Variants in PDZRN3 observed in about 807,000 individuals in gnomAD.
PDZRN3 encodes the protein PDZ domain containing ring finger 3, also known as E3 ubiquitin-protein ligase PDZRN3.
A neutral mutation model predicts 85.7 loss-of-function variants in PDZRN3; 38 were observed. The ratio of observed to expected loss-of-function variants is 0.44; its 90% CI spans 0.34 to 0.58. PDZRN3 has a LOEUF of 0.58. Among genes scored for constraint, PDZRN3 ranks in the 20% least tolerant of loss-of-function variants. PDZRN3 has a pLI of 0.01. For synonymous variants in PDZRN3, 759 were observed against 638.0 expected (o/e 1.19, Z -2.86); for missense variants, 1,629 against 1,506.4 (o/e 1.08, Z -1.35).
chr3:73,621,115 G>C (rs541046252), intron 1 of PDZRN3, among the ~76,000 whole-genome samples: 3 of 152,214 alleles, frequency 2.0e-5, no homozygotes, highest in Non-Finnish European at 2.9e-5. Flanking sequence ...ATCTCTAGGG[G>C]TGAGACTGAG....
chr3:73,518,249 T>C (rs1328229000), intron 3 of PDZRN3, among the ~76,000 whole-genome samples: 1 of 152,200 alleles, frequency 6.6e-6, no homozygotes, highest in East Asian at 1.9e-4. Context: ...AATTAGCCAG[T>C]CATAAAAAGA....
intron 3 of PDZRN3, among the ~76,000 whole-genome samples, chr3:73,415,839 A>C (rs138774831): frequency 1.3e-3 from 201 of 152,250 alleles, no homozygotes; most frequent in African/African-American, 4.8e-3. Context: ...TGTGTAATGA[A>C]GTGATTACTA....
chr3:73,593,133 C>T (rs899404587), intron 3 of PDZRN3, among the ~76,000 whole-genome samples: 1 of 151,176 alleles, frequency 6.6e-6, no homozygotes, highest in African/African-American at 2.4e-5. Context: ...TCTCAAAACC[C>T]CCATATTTAA....
chr3:73,575,063 C>T (rs1195117122), intron 3 of PDZRN3, among the ~76,000 whole-genome samples: 2 of 152,154 alleles, frequency 1.3e-5, no homozygotes, highest in Non-Finnish European at 2.9e-5. Context: ...AGAAAATCCC[C>T]AAGCTCTAAA....
chr3:73,577,005 C>G (rs897855461), intron 3 of PDZRN3, among the ~76,000 whole-genome samples: 4 of 152,198 alleles, frequency 2.6e-5, no homozygotes, highest in African/African-American at 9.7e-5. Flanking sequence ...TGACCTTAAT[C>G]TGCAATGTGA....
chr3:73,602,204 A>C (rs1223424022), intron 3 of PDZRN3, 150 bp downstream of exon 3: 6 of 593,084 alleles, frequency 1.0e-5, no homozygotes, highest in Non-Finnish European at 1.8e-5. Context: ...ATCAACACTC[A>C]ATCTGGTCCC....
intron 3 of PDZRN3, among the ~76,000 whole-genome samples, chr3:73,423,866 T>C (rs1306174830): frequency 1.3e-5 from 2 of 152,152 alleles, no homozygotes; most frequent in Non-Finnish European, 2.9e-5. Flanking sequence ...TCAAATAAGT[T>C]TTAAAATTTC....
intron 3 of PDZRN3, among the ~76,000 whole-genome samples, chr3:73,406,411 C>T (rs984736343): frequency 1.3e-5 from 2 of 151,990 alleles, no homozygotes; most frequent in African/African-American, 2.4e-5. Flanking sequence ...ATGCTGGGGC[C>T]GGACTATTTG....
intron 5 of PDZRN3, among the ~76,000 whole-genome samples, chr3:73,391,392 A>G (rs186025960): frequency 2.1e-3 from 327 of 152,304 alleles, no homozygotes; most frequent in African/African-American, 7.5e-3. Flanking sequence ...CAGCGTCAAG[A>G]CTTCTGGGGC....
intron 3 of PDZRN3, among the ~76,000 whole-genome samples, chr3:73,419,910 G>A (rs1039119010): frequency 3.3e-5 from 5 of 152,164 alleles, no homozygotes; most frequent in African/African-American, 1.2e-4. Context: ...GGGGGATGTG[G>A]TTAACATTTT....
chr3:73,433,499 A>C, intron 3 of PDZRN3: 1 of 607,920 alleles, frequency 1.6e-6, no homozygotes, highest in Non-Finnish European at 2.8e-6. Flanking sequence ...AAATACACAA[A>C]AAAGTCAGAA....
chr3:73,578,576 G>T (rs1702156759), intron 3 of PDZRN3, among the ~76,000 whole-genome samples: 1 of 152,134 alleles, frequency 6.6e-6, no homozygotes, highest in Admixed American at 6.5e-5. Context: ...AAAAGGAAAG[G>T]GAGAATGAGT....
At chr3:73,570,382 C>T (rs1702028170) in intron 3 of PDZRN3, among the ~76,000 whole-genome samples, 1 of 152,202 alleles carries the variant, frequency 6.6e-6, no homozygotes, top group African/African-American at 2.4e-5. Context: ...GCATATTTCA[C>T]TTGCTTTTGT....
At chr3:73,516,857 T>G (rs967304933) in intron 3 of PDZRN3, among the ~76,000 whole-genome samples, 3 of 152,202 alleles carry the variant, frequency 2.0e-5, no homozygotes, top group Admixed American at 2.0e-4. Flanking sequence ...GGTCTTGGTC[T>G]GGTGCTGGCT....
At chr3:73,523,290 G>A (rs780455674) in intron 3 of PDZRN3, among the ~76,000 whole-genome samples, 3 of 152,130 alleles carry the variant, frequency 2.0e-5, no homozygotes, top group Non-Finnish European at 4.4e-5. Context: ...GGCTCCCAAA[G>A]TGCTGGGATT....
intron 3 of PDZRN3, among the ~76,000 whole-genome samples, chr3:73,548,491 C>G (rs1033861070): frequency 6.6e-6 from 1 of 152,226 alleles, no homozygotes; most frequent in Non-Finnish European, 1.5e-5. Flanking sequence ...GAAGCACACA[C>G]CCTGGAGCTT....
At chr3:73,532,924 T>C (rs1704692201) in intron 3 of PDZRN3, among the ~76,000 whole-genome samples, 1 of 152,232 alleles carries the variant, frequency 6.6e-6, no homozygotes, top group African/African-American at 2.4e-5. Context: ...AGAGTGTTCC[T>C]GACCAGAAGA....
chr3:73,476,695 G>A (rs143259640), intron 3 of PDZRN3, among the ~76,000 whole-genome samples: 1 of 152,242 alleles, frequency 6.6e-6, no homozygotes, highest in African/African-American at 2.4e-5. Flanking sequence ...TTTGCTCTGG[G>A]GGAAGCCAGT....
At chr3:73,401,356 A>C (rs993719315) in intron 4 of PDZRN3, among the ~76,000 whole-genome samples, 2 of 152,122 alleles carry the variant, frequency 1.3e-5, no homozygotes, top group African/African-American at 4.8e-5. Context: ...TTTACTGCTT[A>C]TTGCTTCATT....
Sources: gnomAD v4.1 joint callset for allele counts (sites outside exome capture counted in the v4.1 genomes callset) on GRCh38, gnomAD v4.1.1 for gene constraint, MANE v1.5 for transcripts, NCBI Gene and HGNC (gene_info 2026-07-23, HGNC 2026-07-21) for gene names.